The following STAB2 variants were observed in gnomAD, a reference collection of about 807,000 sequenced individuals.
STAB2 encodes stabilin 2.
In STAB2, 288 loss-of-function variants were observed where a neutral mutation model predicts 338.1. The observed-to-expected ratio is 0.85, with a 90% CI of 0.77 to 0.94. STAB2 has a LOEUF of 0.94. Ranked by LOEUF, STAB2 falls within the 40% of genes least tolerant of loss-of-function variation. The pLI, the probability that STAB2 is intolerant of heterozygous loss-of-function variation, is 0.00. For missense variants in STAB2, 3,141 were observed against 3,210.1 expected (o/e 0.98, Z 0.52); for synonymous variants, 1,202 against 1,193.3 (o/e 1.01, Z -0.15).
Position 103,760,409 on chromosome 12 carries a change from C to T in STAB2, c.7249-891C>T, listed in dbSNP as rs186564224. ...CCGCGTAGCTGGGACTACAGGTGCCCGCCACCACACTCAGCTGATTTTTGT... is the reference window on the plus strand; with the variant it reads ...CCGCGTAGCTGGGACTACAGGTGCCTGCCACCACACTCAGCTGATTTTTGT... On this transcript the variant is annotated intron_variant, in intron 65 of 68. Transcript: ENST00000388887. Among the ~76,000 whole-genome samples the T allele has an allele frequency of 7.6e-3, 1,156 of 152,238 alleles. 7 individuals carry two copies. The highest frequency in any genetic ancestry group is 0.011 in the Non-Finnish European group (780 of 68,010).
intron 1 of STAB2, among the ~76,000 whole-genome samples, chr12:103,588,790 CA>C (rs546355940): frequency 6.6e-6 from 1 of 151,674 alleles, no homozygotes; most frequent in Admixed American, 6.6e-5. Context: ...AGCTTGCTTT[CA>C]AAAAAAATGT....
At chr12:103,690,722 C>A (rs1372783865) in intron 30 of STAB2, among the ~76,000 whole-genome samples, 184 bp downstream of exon 30, 1 of 152,238 alleles carries the variant, frequency 6.6e-6, no homozygotes, top group Non-Finnish European at 1.5e-5. Context: ...CACATATACA[C>A]GTTACCCTAT....
chr12:103,739,191 G>T (rs1882380423), intron 53 of STAB2, among the ~76,000 whole-genome samples: 1 of 150,998 alleles, frequency 6.6e-6, no homozygotes, highest in African/African-American at 2.4e-5. Flanking sequence ...TGCCTAGGCT[G>T]GTCTCAAACT....
chr12:103,692,567 C>CT (rs1466631083), intron 30 of STAB2, among the ~76,000 whole-genome samples: 2 of 152,078 alleles, frequency 1.3e-5, no homozygotes, highest in African/African-American at 4.8e-5. Context: ...TTCTCTTTCT[C>CT]TTTTTCTTTC....
At position 103,728,885 on chromosome 12, in the gene STAB2, G is replaced by C; in HGVS notation, c.4972G>C (p.Val1658Leu). 1 of 1,613,958 alleles carries C rather than the reference G, an allele frequency of 6.2e-7. No homozygotes were observed. Among genetic ancestry groups the C allele is most frequent in the South Asian group, 1.1e-5 (1 of 91,074 alleles). The change falls in exon 48 of 69, where the codon GTT becomes CTT. Residue 1658 changes from valine to leucine, a missense_variant. Physicochemically the swap from Val to Leu is conservative, Grantham distance 32. Coordinates refer to ENST00000388887, the MANE Select transcript of STAB2 (RefSeq NM_017564.10). ...GGACAAATACGGTTTAATGCCCCAG[G>C]TTCTTCGGTACCATGTGGTCGCCTG... ...DWDKYGLMPQVLRYHVVACHQ... is the reference protein window; with the variant it reads ...DWDKYGLMPQLLRYHVVACHQ...
chr12:103,597,305 C>T (rs1371516093), intron 3 of STAB2, among the ~76,000 whole-genome samples: 1 of 152,326 alleles, frequency 6.6e-6, no homozygotes, highest in East Asian at 1.9e-4. Context: ...TGGGTCTATC[C>T]TTCTTTCTGA....
chr12:103,633,404 C>T (rs1442964639), intron 6 of STAB2, among the ~76,000 whole-genome samples: 5 of 152,220 alleles, frequency 3.3e-5, no homozygotes, highest in East Asian at 1.9e-4. Flanking sequence ...GAAAACAGGC[C>T]GGGCCTGGTG....
Position 103,648,681 on chromosome 12 carries a change from T to A in STAB2, c.1041-9T>A. The A allele has an allele frequency of 6.2e-7, 1 of 1,612,880 alleles. No individual in the cohort carries two copies. The highest frequency in any genetic ancestry group is 8.5e-7 in the Non-Finnish European group (1 of 1,179,440). ...AAACCCTGAGGATGTCTTTTCCCCC[T>A]CTCTGTAGATGCATTTGCCAGAAAG... On this transcript the variant is annotated splice_polypyrimidine_tract_variant and intron_variant, in intron 9 of 68. Coordinates refer to ENST00000388887, the MANE Select transcript of STAB2 (RefSeq NM_017564.10).
At chr12:103,673,148 A>G (rs922484590) in intron 22 of STAB2, among the ~76,000 whole-genome samples, 8 of 152,162 alleles carry the variant, frequency 5.3e-5, no homozygotes, top group African/African-American at 1.9e-4. Flanking sequence ...TTAGCTACTT[A>G]TCAGGAGTCC....
chr12:103,716,541 T>C (rs549654262), intron 43 of STAB2, among the ~76,000 whole-genome samples: 12 of 152,188 alleles, frequency 7.9e-5, no homozygotes, highest in Non-Finnish European at 2.9e-5. Context: ...CAGTGAATGC[T>C]CTATTGACCT....
Position 103,638,210 on chromosome 12 carries a change from C to A in STAB2, c.904C>A (p.Gln302Lys), listed in dbSNP as rs1173900543. 1.9e-6 allele frequency: 3 copies of A among 1,612,936 alleles called. No individual in the cohort carries two copies. In the African/African-American group the frequency reaches 4.0e-5, roughly 22 times the overall value. ...STVCKYDGPG[Q>K]SHCECKEHYQ... ...AGTGTGCAAATATGATGGGCCTGGA[C>A]AGGTGAGCAAATGATGCAGGGAACT... The change falls in exon 8 of 69, where the codon CAG becomes AAG. Residue 302 changes from glutamine to lysine, a missense_variant and splice_region_variant. Transcript: ENST00000388887.
intron 25 of STAB2, among the ~76,000 whole-genome samples, chr12:103,680,308 A>G (rs1876782069): frequency 6.6e-6 from 1 of 152,210 alleles, no homozygotes; most frequent in African/African-American, 2.4e-5. Context: ...ATTTACTTCA[A>G]TTCTTAAGAA....
At chr12:103,744,239 G>A (rs1593315440) in intron 56 of STAB2, among the ~76,000 whole-genome samples, 1 of 151,966 alleles carries the variant, frequency 6.6e-6, no homozygotes, top group Non-Finnish European at 1.5e-5. Flanking sequence ...AACCTCCTGG[G>A]CTCAAGCAAT....
intron 36 of STAB2, among the ~76,000 whole-genome samples, chr12:103,705,243 A>T (rs1252712377): frequency 6.6e-6 from 1 of 152,230 alleles, no homozygotes; most frequent in African/African-American, 2.4e-5. Flanking sequence ...TAATCTTTGT[A>T]TGCAGCCTTA....
At position 103,670,714 on chromosome 12, in the gene STAB2, G is replaced by C. The variant is rs761459390; in HGVS notation, c.2278G>C (p.Gly760Arg). 1.2e-6 allele frequency: 2 copies of C among 1,613,920 alleles called. No individual in the cohort carries two copies. The highest frequency in any genetic ancestry group is 2.7e-5 in the African/African-American group (2 of 74,912). ...CTCCCAGTGTGCAGATAGCCTCGGC[G>C]GCAACGGGACATGCATTTGTGAGGA... ...GNGQCADSLGGNGTCICEEGF... is the reference protein window; with the variant it reads ...GNGQCADSLGRNGTCICEEGF... Residue 760 changes from glycine to arginine, a missense_variant, in exon 22 of 69, where the codon GGC becomes CGC. Gly to Arg is a moderately radical substitution (Grantham distance 125). Coordinates refer to ENST00000388887, the MANE Select transcript of STAB2 (RefSeq NM_017564.10).
At chr12:103,640,102 T>C (rs368200388) in intron 8 of STAB2, 21 bp from the exon 9 acceptor site, 69 of 1,587,772 alleles carry the variant, frequency 4.3e-5, no homozygotes, top group Non-Finnish European at 4.3e-6. Context: ...CTATTTGTTT[T>C]TCTCTTCCTG....
At chr12:103,691,168 C>T (rs1474858195) in intron 30 of STAB2, among the ~76,000 whole-genome samples, 1 of 152,210 alleles carries the variant, frequency 6.6e-6, no homozygotes, top group Non-Finnish European at 1.5e-5. Context: ...AGTCTGGCCG[C>T]CCTGCTGCAC....
At chr12:103,623,752 C>A (rs1957339164) in intron 5 of STAB2, among the ~76,000 whole-genome samples, 1 of 152,176 alleles carries the variant, frequency 6.6e-6, no homozygotes. Context: ...CAATGAGTTA[C>A]AGCAGCAACA....
intron 6 of STAB2, 60 bp from the exon 7 acceptor site, chr12:103,637,051 G>C: frequency 6.6e-7 from 1 of 1,507,352 alleles, no homozygotes. Context: ...ACTGCAGTTT[G>C]GGGGTCTTAA....
Sources: gnomAD v4.1 joint callset for allele counts (sites outside exome capture counted in the v4.1 genomes callset) on GRCh38, gnomAD v4.1.1 for gene constraint, MANE v1.5 for transcripts, NCBI Gene and HGNC (gene_info 2026-07-23, HGNC 2026-07-21) for gene names.